PKHD1: variants seen among roughly 807,000 people sequenced by gnomAD.
The protein encoded by PKHD1 is PKHD1 ciliary IPT domain containing fibrocystin/polyductin.
PKHD1 carries 291 observed loss-of-function variants against 412.0 expected under a neutral mutation model. The ratio of observed to expected loss-of-function variants is 0.71; its 90% CI spans 0.64 to 0.78. The LOEUF (loss-of-function observed/expected upper bound fraction) is 0.78. Ranked by LOEUF, PKHD1 falls within the 30% of genes least tolerant of loss-of-function variation. The probability of loss-of-function intolerance (pLI) is 0.00; values close to 1 mark genes in which losing one functional copy is unlikely to be tolerated. For missense variants in PKHD1, 4,825 were observed against 4,950.7 expected, an observed-to-expected ratio of 0.97 and a Z score of 0.76; for synonymous variants, 1,777 against 1,821.5, an observed-to-expected ratio of 0.98 and a Z score of 0.62.
chr6:51,620,096 C>T (rs753227768), intron 66 of PKHD1, among the ~76,000 whole-genome samples: 3 of 152,142 alleles, frequency 2.0e-5, no homozygotes, highest in Non-Finnish European at 2.9e-5. Context: ...AAATTAGGCC[C>T]AAGTTCCCCT....
intron 43 of PKHD1, among the ~76,000 whole-genome samples, chr6:51,900,910 T>C (rs1781151683): frequency 6.6e-6 from 1 of 151,954 alleles, no homozygotes; most frequent in African/African-American, 2.4e-5. Context: ...AAAAAACACA[T>C]AAAAAAATGC....
intron 60 of PKHD1, among the ~76,000 whole-genome samples, chr6:51,714,625 G>A (rs935106968): frequency 2.0e-5 from 3 of 152,216 alleles, no homozygotes; most frequent in Admixed American, 6.5e-5. Context: ...TCAGTTCCTC[G>A]ATCTCATTAG....
intron 52 of PKHD1, among the ~76,000 whole-genome samples, chr6:51,806,158 G>A (rs960647775): frequency 2.6e-5 from 4 of 151,944 alleles, no homozygotes; most frequent in African/African-American, 9.7e-5. Flanking sequence ...CACCAACATG[G>A]CACATGTATA....
rs1346032603 is a variant in PKHD1 at position 51,773,414 on chromosome 6, A to G, written c.8555-625T>C. Among the ~76,000 whole-genome samples, 4 of 151,972 alleles carry G rather than the reference A, an allele frequency of 2.6e-5. No homozygotes were observed. The East Asian group carries it at 7.7e-4, about 29-fold the overall frequency. On this transcript the variant is annotated intron_variant, in intron 54 of 66. Transcript: ENST00000371117. The stretch of plus-strand genomic sequence containing the variant: ...TCCTATATGTTTTATTGCCATTTTC[A>G]ATCATAATTCCTCATATTCTAGTGG...
chr6:51,663,980 T>C (rs1360757249), intron 60 of PKHD1, among the ~76,000 whole-genome samples: 1 of 152,178 alleles, frequency 6.6e-6, no homozygotes, highest in African/African-American at 2.4e-5. Flanking sequence ...TAAATACACA[T>C]GGGTGGAAAA....
At chr6:51,716,516 T>G (rs1203848985) in intron 60 of PKHD1, among the ~76,000 whole-genome samples, 1 of 152,124 alleles carries the variant, frequency 6.6e-6, no homozygotes. Context: ...CCTCCCTTAG[T>G]GGGCCTTAAG....
intron 60 of PKHD1, among the ~76,000 whole-genome samples, chr6:51,705,911 A>T (rs1208532582): frequency 6.6e-6 from 1 of 152,190 alleles, no homozygotes; most frequent in Non-Finnish European, 1.5e-5. Context: ...TCTTATATAC[A>T]GACAGGCATT....
intron 36 of PKHD1, among the ~76,000 whole-genome samples, chr6:51,949,881 G>A (rs1036316035): frequency 2.6e-5 from 4 of 152,012 alleles, no homozygotes; most frequent in African/African-American, 9.7e-5. Flanking sequence ...CAGAAGCAGA[G>A]GCTGCTGCTG....
At chr6:51,859,219 C>T (rs991695040) in intron 48 of PKHD1, among the ~76,000 whole-genome samples, 19 of 152,022 alleles carry the variant, frequency 1.2e-4, no homozygotes, top group Admixed American at 2.6e-4. Context: ...ATGCATACCA[C>T]GTTGATCATT....
intron 64 of PKHD1, among the ~76,000 whole-genome samples, chr6:51,636,740 T>G (rs1162090908): frequency 6.6e-6 from 1 of 152,210 alleles, no homozygotes; most frequent in Non-Finnish European, 1.5e-5. Context: ...CAAATTGATG[T>G]ACTTGGAAAC....
At chr6:51,859,966 A>G (rs1167879354) in intron 48 of PKHD1, among the ~76,000 whole-genome samples, 1 of 152,220 alleles carries the variant, frequency 6.6e-6, no homozygotes, top group African/African-American at 2.4e-5. Context: ...ACCATAGCAC[A>G]CTGTGATCCT....
intron 35 of PKHD1, among the ~76,000 whole-genome samples, chr6:51,977,294 G>T (rs1000672920): frequency 6.6e-6 from 1 of 152,170 alleles, no homozygotes; most frequent in Non-Finnish European, 1.5e-5. Flanking sequence ...TTCTGTGTGT[G>T]TGCATGTGTG....
At chr6:52,021,738 C>A (rs373072351) in intron 33 of PKHD1, among the ~76,000 whole-genome samples, 56 of 151,984 alleles carry the variant, frequency 3.7e-4, no homozygotes, top group African/African-American at 1.3e-3. Context: ...TTTCTCCTCC[C>A]CTTCTTCTTC....
chr6:51,895,711 A>G (rs1779805056), intron 43 of PKHD1, among the ~76,000 whole-genome samples: 2 of 152,136 alleles, frequency 1.3e-5, no homozygotes, highest in African/African-American at 4.8e-5. Flanking sequence ...TCCCAGTGTG[A>G]GCGACACAGA....
At chr6:51,959,414 A>G (rs1791650999) in intron 36 of PKHD1, among the ~76,000 whole-genome samples, 1 of 152,134 alleles carries the variant, frequency 6.6e-6, no homozygotes, top group Non-Finnish European at 1.5e-5. Flanking sequence ...CCGGTTTTGC[A>G]ATAAGAAAGC....
intron 52 of PKHD1, among the ~76,000 whole-genome samples, chr6:51,821,840 C>G (rs1245607445): frequency 1.3e-5 from 2 of 152,158 alleles, no homozygotes; most frequent in Non-Finnish European, 2.9e-5. Context: ...GCGCACACCA[C>G]CACACCAGGC....
At chr6:51,677,903 T>C (rs1219870739) in intron 60 of PKHD1, among the ~76,000 whole-genome samples, 1 of 152,184 alleles carries the variant, frequency 6.6e-6, no homozygotes, top group Non-Finnish European at 1.5e-5. Context: ...AGTAGAAATC[T>C]GTTCAAACAA....
intron 51 of PKHD1, among the ~76,000 whole-genome samples, chr6:51,835,879 T>C (rs768066238): frequency 3.3e-5 from 5 of 152,210 alleles, no homozygotes; most frequent in African/African-American, 9.6e-5. Flanking sequence ...TGCAAATGTA[T>C]AGTTAAATTG....
chr6:51,720,937 G>C (rs891127206), intron 60 of PKHD1: 3 of 961,984 alleles, frequency 3.1e-6, no homozygotes, highest in Middle Eastern at 5.3e-4. Flanking sequence ...GTTAATAAAT[G>C]AGTAAATGTC....
Sources: gnomAD v4.1 joint callset for allele counts (sites outside exome capture counted in the v4.1 genomes callset) on GRCh38, gnomAD v4.1.1 for gene constraint, MANE v1.5 for transcripts, NCBI Gene and HGNC (gene_info 2026-07-23, HGNC 2026-07-21) for gene names.